SLC36A3: variants seen among roughly 807,000 people sequenced by gnomAD.
SLC36A3 encodes the protein solute carrier family 36 member 3.
SLC36A3 carries 35 observed loss-of-function variants against 44.3 expected under a neutral mutation model. The ratio of observed to expected loss-of-function variants is 0.79; its 90% confidence interval spans 0.60 to 1.05. The LOEUF (loss-of-function observed/expected upper bound fraction) is 1.05, where lower values mean the gene tolerates loss of function less well. SLC36A3 is among the 50% of genes least tolerant of loss of function. The pLI, the probability that SLC36A3 is intolerant of heterozygous loss-of-function variation, is 0.00. For synonymous variants in SLC36A3, 211 were observed against 227.6 expected, an observed-to-expected ratio of 0.93 and a Z score of 0.66; for missense variants, 540 against 578.7, an observed-to-expected ratio of 0.93 and a Z score of 0.69.
chr5:151,282,846 T>C (rs1754374604), intron 8 of SLC36A3, among the ~76,000 whole-genome samples: 1 of 152,010 alleles, frequency 6.6e-6, no homozygotes, highest in South Asian at 2.1e-4. Flanking sequence ...CTTGTATTTA[T>C]TTTTTAACTC....
chr5:151,284,441 G>A (rs969835), intron 7 of SLC36A3, among the ~76,000 whole-genome samples, 172 bp downstream of exon 7: 34,041 of 152,110 alleles, frequency 0.22, 4,138 homozygotes, highest in Admixed American at 0.37. Context: ...AATGCTTAGC[G>A]TGGTATATTA....
At position 151,287,459 on chromosome 5, in the gene SLC36A3, C is replaced by G. The variant is rs755601162; in HGVS notation, c.495G>C (p.Val165=). ...MFMADNLQQM[V]EKAHVTSNIC... is the part of the protein sequence containing the mutation. ...TGTTGGAGGTCACGTGGGCTTTTTC[C>G]ACCATCTGACATAAAGCACAATGAC... Residue 165 remains valine, a synonymous_variant, in exon 6 of 10, where the codon GTG becomes GTC. Coordinates refer to ENST00000335230, the MANE Select transcript of SLC36A3 (RefSeq NM_181774.4). 1 of 1,613,956 alleles carries G rather than the reference C, an allele frequency of 6.2e-7. No homozygotes were observed. The highest frequency in any genetic ancestry group is 8.5e-7 in the Non-Finnish European group (1 of 1,179,902).
At chr5:151,297,911 A>C (rs1040736832) in intron 2 of SLC36A3, 3 of 152,388 alleles carry the variant, frequency 2.0e-5, no homozygotes, top group African/African-American at 7.2e-5. Flanking sequence ...CAGTGAGCCA[A>C]GATTGTGCCA....
intron 2 of SLC36A3, chr5:151,296,656 C>T (rs566103013): frequency 8.4e-5 from 19 of 226,084 alleles, no homozygotes; most frequent in Non-Finnish European, 1.5e-4. Context: ...CAGTTCTCTT[C>T]CTCTAGTACA....
intron 3 of SLC36A3, among the ~76,000 whole-genome samples, chr5:151,295,375 C>T (rs974783986): frequency 6.6e-6 from 1 of 152,214 alleles, no homozygotes; most frequent in Non-Finnish European, 1.5e-5. Flanking sequence ...TTGCACAATA[C>T]ATTTAACTAC....
intron 1 of SLC36A3, among the ~76,000 whole-genome samples, chr5:151,302,385 TAGA>T (rs1755190769): frequency 6.6e-6 from 1 of 152,226 alleles, no homozygotes; most frequent in Non-Finnish European, 1.5e-5. Flanking sequence ...CAGTAAGTCC[TAGA>T]AGAAGAGTTC....
intron 1 of SLC36A3, among the ~76,000 whole-genome samples, chr5:151,300,600 A>G (rs1309557268): frequency 6.6e-6 from 1 of 151,978 alleles, no homozygotes; most frequent in Non-Finnish European, 1.5e-5. Context: ...TCTTGCCCCT[A>G]TTTGAATCAG....
rs1281013509 is a variant in SLC36A3, at chr5:151,296,281, G to A, written c.220-13C>T. Reference sequence around the variant, plus strand: ...TGACAGGACCGACCTGGAGGGGAGAGGAGAAAGGGGGAAGTGAGCCAGAAA... The same window carrying A: ...TGACAGGACCGACCTGGAGGGGAGAAGAGAAAGGGGGAAGTGAGCCAGAAA... On this transcript the variant is annotated splice_polypyrimidine_tract_variant and intron_variant, in intron 2 of 9. Coordinates refer to ENST00000335230, the MANE Select transcript of SLC36A3 (RefSeq NM_181774.4). The A allele has an allele frequency of 1.2e-6, 2 of 1,610,818 alleles. No homozygotes were observed. The highest frequency in any genetic ancestry group is 1.7e-5 in the Admixed American group (1 of 59,978).
intron 5 of SLC36A3, among the ~76,000 whole-genome samples, chr5:151,287,746 A>G (rs1322006540): frequency 6.6e-6 from 1 of 152,214 alleles, no homozygotes; most frequent in African/African-American, 2.4e-5. Flanking sequence ...TGAGGTTGTT[A>G]TCTACTCAAA....
At position 151,284,637 on chromosome 5, in the gene SLC36A3, G is replaced by A; in HGVS notation, c.783C>T (p.Ile261=). The change falls in exon 7 of 10, where the codon ATC becomes ATT. Residue 261 remains isoleucine, a synonymous_variant. Coordinates refer to ENST00000335230, the MANE Select transcript of SLC36A3 (RefSeq NM_181774.4). The stretch of plus-strand genomic sequence containing the variant: ...CCATACCGACGCCTTCAAATGTGAA[G>A]ATGGCTGTACCAAAGAACAGCAAGA... ...KTFLLFFGTA[I]FTFEGVGMVL... 6.2e-7 allele frequency: 1 copy of A among 1,612,074 alleles called. No individual in the cohort carries two copies. Among genetic ancestry groups the A allele is most frequent in the Non-Finnish European group, 8.5e-7 (1 of 1,178,584 alleles).
At position 151,277,549 on chromosome 5, in the gene SLC36A3, A is replaced by G. The variant is rs1754137561; in HGVS notation, c.1257T>C (p.Phe419=). 1 of 1,614,032 alleles carries G rather than the reference A, an allele frequency of 6.2e-7. No individual in the cohort carries two copies. The highest frequency in any genetic ancestry group is 8.5e-7 in the Non-Finnish European group (1 of 1,180,042). The part of the protein sequence containing the change: ...IIPALLEIVI[F]YSEDMSCVTI... ...TGACACAGCTCATGTCCTCAGAGTAAAAGATGACGATCTCCAGGAGGGCTG... is the reference window on the plus strand; with the variant it reads ...TGACACAGCTCATGTCCTCAGAGTAGAAGATGACGATCTCCAGGAGGGCTG... Residue 419 remains phenylalanine, a synonymous_variant, in exon 10 of 10, where the codon TTT becomes TTC. Transcript: ENST00000335230.
intron 1 of SLC36A3, among the ~76,000 whole-genome samples, chr5:151,299,110 T>C (rs1580826429): frequency 1.3e-5 from 2 of 151,942 alleles, no homozygotes; most frequent in Non-Finnish European, 2.9e-5. Context: ...AGGTTATTTA[T>C]TAACTCACTC....
chr5:151,292,192 A>G (rs1012157214), intron 4 of SLC36A3, among the ~76,000 whole-genome samples: 7 of 152,284 alleles, frequency 4.6e-5, no homozygotes, highest in Admixed American at 2.0e-4. Flanking sequence ...CAAGCTCCTC[A>G]GGTATCTCTC....
intron 8 of SLC36A3, among the ~76,000 whole-genome samples, chr5:151,281,781 G>A (rs1253514093): frequency 6.9e-6 from 1 of 143,950 alleles, no homozygotes; most frequent in Non-Finnish European, 1.5e-5. Flanking sequence ...TTGCACCACT[G>A]CACTCACTCC....
rs1416607981 is a variant in SLC36A3, at chr5:151,293,597, ATACTT to A, written c.309-143_309-139del. On this transcript the variant is annotated intron_variant, in intron 3 of 9. Transcript: ENST00000335230. ...CAATTTTCTCCCAGTGATCTACTTT[ATACTT>A]TAACAACTTTCAGGAGTTTGCCTTT... 3 of 677,618 alleles carry A rather than the reference ATACTT, an allele frequency of 4.4e-6. No individual in the cohort carries two copies. The Admixed American group carries it at 9.8e-5, about 22-fold the overall frequency. The allele number at this position is 677,618 out of a possible 1,614,324, so 42.0% of individuals were successfully genotyped here. A position where few individuals can be genotyped will look rare whatever the true frequency, so the allele number is the denominator to read the frequency against.
intron 6 of SLC36A3, 123 bp from the exon 7 acceptor site, chr5:151,284,834 CTCAG>C (rs1162361927): frequency 1.8e-6 from 1 of 553,654 alleles, no homozygotes. Context: ...ATACCTAGAC[CTCAG>C]TCAGCCTTCT....
At chr5:151,296,900 T>C (rs1754980366) in intron 2 of SLC36A3, 1 of 152,766 alleles carries the variant, frequency 6.5e-6, no homozygotes, top group African/African-American at 2.4e-5. Context: ...ATCACTACTG[T>C]AGTGTGTCTA....
Position 151,303,502 on chromosome 5 carries a change from T to C in SLC36A3, c.-148A>G, listed in dbSNP as rs559306715. On this transcript the variant is annotated 5_prime_UTR_variant, in exon 1 of 10. Coordinates refer to ENST00000335230, the MANE Select transcript of SLC36A3 (RefSeq NM_181774.4). ...GCGTGCTGCTGGCTGAAGCCTGAAG[T>C]GCATGAATCAGGGAAGCGGTGGTGG... The C allele has an allele frequency of 2.5e-3, 1,954 of 785,834 alleles. 3 individuals are homozygous for C. The highest frequency in any genetic ancestry group is 3.5e-3 in the Non-Finnish European group (1,795 of 507,528). The allele number at this position is 785,834 out of a possible 1,614,324, so 48.7% of individuals were successfully genotyped here.
chr5:151,281,196 G>A lies in SLC36A3; in HGVS notation c.975-13C>T. 6.3e-7 allele frequency: 1 copy of A among 1,596,782 alleles called. No homozygotes were observed. Among genetic ancestry groups the A allele is most frequent in the Non-Finnish European group, 8.5e-7 (1 of 1,170,388 alleles). On this transcript the variant is annotated splice_polypyrimidine_tract_variant and intron_variant, in intron 8 of 9. Coordinates refer to ENST00000335230, the MANE Select transcript of SLC36A3 (RefSeq NM_181774.4). ...TGACTGGTACAACCTGCAGACACAT[G>A]AATTGGATGTGAAAGGTGATGTGGC... is the stretch of plus-strand genomic sequence containing the variant.
Sources: allele counts gnomAD v4.1 joint callset (sites outside exome capture counted in the v4.1 genomes callset), GRCh38; gene constraint gnomAD v4.1.1; transcripts MANE v1.5; gene names NCBI Gene and HGNC (gene_info 2026-07-23, HGNC 2026-07-21).